The following CBX5 variants were observed in gnomAD, a reference collection of about 807,000 sequenced individuals.
The protein encoded by CBX5 is chromobox 5, also known as chromobox protein homolog 5.
A neutral mutation model predicts 20.7 loss-of-function variants in CBX5; 7 were observed. The ratio of observed to expected loss-of-function variants is 0.34; its 90% CI spans 0.19 to 0.63. The LOEUF is 0.63. Among genes scored for constraint, CBX5 ranks in the 30% least tolerant of loss-of-function variants. The pLI is 0.75. For missense variants in CBX5, 110 were observed against 224.1 expected (o/e 0.49, Z 3.25); for synonymous variants, 78 against 77.0 (o/e 1.01, Z -0.07).
At chr12:54,246,796 A>AG (rs1198977925) in intron 3 of CBX5, among the ~76,000 whole-genome samples, 4 of 151,718 alleles carry the variant, frequency 2.6e-5, no homozygotes, top group Non-Finnish European at 4.4e-5. Context: ...AAAAAAAAAA[A>AG]AAAAGAAAAG....
chr12:54,279,951 C>A (rs1018809194), intron 1 of CBX5, 57 bp downstream of exon 1: 1 of 150,950 alleles, frequency 6.6e-6, no homozygotes, highest in Non-Finnish European at 1.5e-5. Context: ...CAATAACGGG[C>A]CCAAATGGAG....
chr12:54,260,908 G>A (rs1219606626), intron 1 of CBX5, among the ~76,000 whole-genome samples: 1 of 152,080 alleles, frequency 6.6e-6, no homozygotes, highest in African/African-American at 2.4e-5. Context: ...GAACTCAGTT[G>A]AGCCAGGAAC....
At chr12:54,270,802 A>G (rs1424606434) in intron 1 of CBX5, among the ~76,000 whole-genome samples, 1 of 152,220 alleles carries the variant, frequency 6.6e-6, no homozygotes, top group Non-Finnish European at 1.5e-5. Flanking sequence ...CTGTAATCCC[A>G]GCACTTTGGG....
rs933473460 is a variant in CBX5, at chr12:54,234,283, C to G, written c.*7472G>C. 2.1e-5 allele frequency: 3 copies of G among 144,540 alleles called. No individual in the cohort carries two copies. The highest frequency in any genetic ancestry group is 1.5e-5 in the Non-Finnish European group (1 of 66,822). 9.0% of individuals were successfully genotyped at this position (144,540 alleles called of 1,614,324 possible). ...TTTTTTTTTTTTTCCTCACTGATAG[C>G]TGATCACATTAAACAGGTACAGGTG... On this transcript the variant is annotated 3_prime_UTR_variant, in exon 5 of 5. Transcript: ENST00000209875.
At position 54,254,229 on chromosome 12, in the gene CBX5, C is replaced by T. The variant is rs950654319; in HGVS notation, c.138-2002G>A. Among the ~76,000 whole-genome samples the T allele has an allele frequency of 1.4e-3, 212 of 146,904 alleles. 2 individuals carry two copies. The highest frequency in any genetic ancestry group is 1.5e-3 in the Non-Finnish European group (98 of 67,414). ...CCTGTAATCCTAGCTACTCAGGAGG[C>T]TGAGGAGGGAGGATCACTTGAACCC... On this transcript the variant is annotated intron_variant, in intron 2 of 4. Transcript: ENST00000209875.
At chr12:54,257,822 A>T (rs1203466242) in intron 1 of CBX5, 130 bp from the exon 2 acceptor site, 3 of 632,042 alleles carry the variant, frequency 4.7e-6, no homozygotes, top group Non-Finnish European at 8.3e-6. Flanking sequence ...AAATCATTCT[A>T]CAGATGAGTC....
chr12:54,243,961 A>G (rs1266189575), intron 4 of CBX5, among the ~76,000 whole-genome samples: 1 of 152,198 alleles, frequency 6.6e-6, no homozygotes. Flanking sequence ...GTAATTTACC[A>G]GCAGTACTCT....
chr12:54,265,081 T>C (rs1182619698), intron 1 of CBX5, among the ~76,000 whole-genome samples: 5 of 152,174 alleles, frequency 3.3e-5, no homozygotes, highest in African/African-American at 1.2e-4. Context: ...ATGGATTAAT[T>C]AGATATGCCA....
In CBX5 at chr12:54,257,599, C is replaced by T. The variant is rs769973583; in HGVS notation, c.52G>A (p.Glu18Lys). The stretch of plus-strand genomic sequence containing the variant: ...AGCACCTTCTCCACAACATACTCCT[C>T]CTCATCCTCTGAAGAAGAACTGTCA... ...TADSSSSEDE[E>K]EYVVEKVLDR... is the part of the protein sequence containing the mutation. Residue 18 changes from glutamate to lysine, a missense_variant, in exon 2 of 5, where the codon GAG becomes AAG. Glu to Lys is a moderately conservative substitution (Grantham distance 56). Transcript: ENST00000209875. 1 of 1,614,228 alleles carries T rather than the reference C, an allele frequency of 6.2e-7. No homozygotes were observed. The highest frequency in any genetic ancestry group is 1.1e-5 in the South Asian group (1 of 91,088).
chr12:54,252,418 A>C, intron 2 of CBX5, 191 bp from the exon 3 acceptor site: 1 of 475,408 alleles, frequency 2.1e-6, no homozygotes, highest in Non-Finnish European at 3.6e-6. Context: ...AGCCCACACA[A>C]AGACTTATTT....
At chr12:54,275,724 G>A (rs903080360) in intron 1 of CBX5, among the ~76,000 whole-genome samples, 1 of 151,876 alleles carries the variant, frequency 6.6e-6, no homozygotes, top group African/African-American at 2.4e-5. Flanking sequence ...CCACATTGGA[G>A]GCTGGGCACA....
intron 3 of CBX5, among the ~76,000 whole-genome samples, chr12:54,247,073 A>G (rs565421690): frequency 6.6e-6 from 1 of 152,298 alleles, no homozygotes; most frequent in East Asian, 1.9e-4. Context: ...AGAGGTAAGA[A>G]TTATGTAAGG....
At chr12:54,248,074 T>C (rs1413415533) in intron 3 of CBX5, among the ~76,000 whole-genome samples, 1 of 152,030 alleles carries the variant, frequency 6.6e-6, no homozygotes, top group African/African-American at 2.4e-5. Context: ...ACTCCTAGCC[T>C]CAGGTGATCC....
At chr12:54,269,848 G>C (rs1943993151) in intron 1 of CBX5, among the ~76,000 whole-genome samples, 1 of 152,134 alleles carries the variant, frequency 6.6e-6, no homozygotes, top group African/African-American at 2.4e-5. Context: ...CCAAAATGTT[G>C]AGATTACATG....
rs1018391592 is a variant in CBX5 at position 54,234,566 on chromosome 12, G to C, written c.*7189C>G. 1.3e-5 allele frequency: 2 copies of C among 152,164 alleles called. No homozygotes were observed. Among genetic ancestry groups the C allele is most frequent in the Non-Finnish European group, 2.9e-5 (2 of 68,038 alleles). The allele number at this position is 152,164 out of a possible 1,614,324, so 9.4% of individuals were successfully genotyped here. ...CCTATTAGATTTTCCGATTAATACT[G>C]ATGGCTCTTACCTAGGCTGTGATAA... On this transcript the variant is annotated 3_prime_UTR_variant, in exon 5 of 5. Transcript: ENST00000209875.
Position 54,237,849 on chromosome 12 carries a change from C to T in CBX5, c.*3906G>A, listed in dbSNP as rs1943638685. 6.6e-6 allele frequency: 1 copy of T among 152,250 alleles called. No individual in the cohort carries two copies. The highest frequency in any genetic ancestry group is 1.9e-4 in the East Asian group (1 of 5,198). The allele number at this position is 152,250 out of a possible 1,614,324, so 9.4% of individuals were successfully genotyped here. A position where few individuals can be genotyped will look rare whatever the true frequency, so the allele number is the denominator to read the frequency against. On this transcript the variant is annotated 3_prime_UTR_variant, in exon 5 of 5. Coordinates refer to ENST00000209875, the MANE Select transcript of CBX5 (RefSeq NM_012117.3). ...AAAAAAAATTGTATTACTGAAAGTG[C>T]TCCATGAGAGCAAACAAATAATGAC...
intron 4 of CBX5, 43 bp downstream of exon 4, chr12:54,246,072 G>T: frequency 7.5e-7 from 1 of 1,341,806 alleles, no homozygotes; most frequent in Non-Finnish European, 1.1e-6. Flanking sequence ...TCAAGTCACT[G>T]GCAAAGAAAC....
chr12:54,274,980 T>A (rs1445401845), intron 1 of CBX5, among the ~76,000 whole-genome samples: 1 of 152,000 alleles, frequency 6.6e-6, no homozygotes, highest in Non-Finnish European at 1.5e-5. Flanking sequence ...AGCGACTTAG[T>A]CTTCCTCAAA....
In CBX5 at chr12:54,240,099, T is replaced by C. The variant is rs1046337242; in HGVS notation, c.*1656A>G. The C allele has an allele frequency of 1.3e-5, 2 of 152,244 alleles. No individual in the cohort carries two copies. Among genetic ancestry groups the C allele is most frequent in the African/African-American group, 2.4e-5 (1 of 41,464 alleles). 9.4% of individuals were successfully genotyped at this position (152,244 alleles called of 1,614,324 possible). A position where few individuals can be genotyped will look rare whatever the true frequency, so the allele number is the denominator to read the frequency against. ...GAATTAAGGCTATATTAAGCATTTA[T>C]TCTTATTTCCTCAGCTTTGGGGCTG... On this transcript the variant is annotated 3_prime_UTR_variant, in exon 5 of 5. Transcript: ENST00000209875.
Sources: gnomAD v4.1 joint callset for allele counts (sites outside exome capture counted in the v4.1 genomes callset) on GRCh38, gnomAD v4.1.1 for gene constraint, MANE v1.5 for transcripts, NCBI Gene and HGNC (gene_info 2026-07-23, HGNC 2026-07-21) for gene names.